Variants in PHKB observed in about 807,000 individuals in gnomAD.
PHKB encodes the protein phosphorylase b kinase regulatory subunit beta.
PHKB carries 122 observed loss-of-function variants against 152.1 expected under a neutral mutation model. That is an observed-to-expected ratio of 0.80 (90% CI 0.69 to 0.93). The LOEUF (loss-of-function observed/expected upper bound fraction) is 0.93. Among genes scored for constraint, PHKB ranks in the 40% least tolerant of loss-of-function variants. The pLI is 0.00. For missense variants in PHKB, 1,304 were observed against 1,328.4 expected, an observed-to-expected ratio of 0.98 and a Z score of 0.29; for synonymous variants, 436 against 464.9, an observed-to-expected ratio of 0.94 and a Z score of 0.80.
At chr16:47,686,800 C>T (rs1421668806) in intron 26 of PHKB, among the ~76,000 whole-genome samples, 1 of 152,094 alleles carries the variant, frequency 6.6e-6, no homozygotes, top group Admixed American at 6.6e-5. Flanking sequence ...TTAACTTTTA[C>T]CTGTGAGTAT....
At chr16:47,672,068 T>C (rs1973647971) in intron 26 of PHKB, among the ~76,000 whole-genome samples, 3 of 152,148 alleles carry the variant, frequency 2.0e-5, no homozygotes, top group African/African-American at 7.2e-5. Context: ...CTTTCTAAGT[T>C]ACATTTTTCA....
intron 13 of PHKB, among the ~76,000 whole-genome samples, chr16:47,599,301 A>G (rs1305870592): frequency 2.0e-5 from 3 of 152,214 alleles, no homozygotes; most frequent in Non-Finnish European, 4.4e-5. Flanking sequence ...GATCTGGGAT[A>G]TGAAATTAAA....
At chr16:47,614,100 A>C (rs1274604660) in intron 14 of PHKB, among the ~76,000 whole-genome samples, 3 of 152,240 alleles carry the variant, frequency 2.0e-5, no homozygotes, top group African/African-American at 7.2e-5. Context: ...AGCAGCTTCC[A>C]GGCTTCTGGG....
chr16:47,677,158 T>C (rs1239526095), intron 26 of PHKB, among the ~76,000 whole-genome samples: 1 of 152,204 alleles, frequency 6.6e-6, no homozygotes. Flanking sequence ...TCTGAGGTCT[T>C]TGCTTTTGAC....
At chr16:47,464,088 TTTC>T in intron 1 of PHKB, 3 of 884,608 alleles carry the variant, frequency 3.4e-6, no homozygotes, top group East Asian at 2.4e-5. Flanking sequence ...TATGTCTTTA[TTTC>T]TTCTTTGGTG....
At chr16:47,614,479 C>T (rs904482775) in intron 14 of PHKB, among the ~76,000 whole-genome samples, 1 of 152,114 alleles carries the variant, frequency 6.6e-6, no homozygotes, top group Non-Finnish European at 1.5e-5. Context: ...CTTAGAATTC[C>T]ACTTTAATTA....
intron 10 of PHKB, among the ~76,000 whole-genome samples, chr16:47,593,227 AGGAG>A (rs1218167949): frequency 1.9e-4 from 20 of 104,140 alleles, no homozygotes; most frequent in East Asian, 1.6e-3. Flanking sequence ...GAAAGAGGGA[AGGAG>A]GGAGGGAGGG....
intron 27 of PHKB, 59 bp from the exon 28 acceptor site, chr16:47,693,319 C>G (rs1974094223): frequency 6.3e-7 from 1 of 1,590,194 alleles, no homozygotes; most frequent in Admixed American, 1.7e-5. Context: ...ATTGAAAGCC[C>G]TGCTGTCTAC....
chr16:47,566,905 AT>A, intron 7 of PHKB: 1 of 635,534 alleles, frequency 1.6e-6, no homozygotes, highest in East Asian at 3.1e-5. Context: ...AAGGTCAATA[AT>A]GGGTCACACT....
At position 47,653,398 on chromosome 16, in the gene PHKB, G is replaced by A. The variant is rs577244742; in HGVS notation, c.1971+2477G>A. Among the ~76,000 whole-genome samples the A allele has an allele frequency of 8.5e-5, 13 of 152,286 alleles. No individual in the cohort carries two copies. The South Asian group carries it at 2.3e-3, about 27-fold the overall frequency. Reference sequence around the variant, plus strand: ...GGAAGCAGATAGTAACTCCCTAAGTGTTTAGGGAATGGAAAGGAACTTTTG... The same window carrying A: ...GGAAGCAGATAGTAACTCCCTAAGTATTTAGGGAATGGAAAGGAACTTTTG... On this transcript the variant is annotated intron_variant, in intron 20 of 30. Transcript: ENST00000323584.
intron 14 of PHKB, among the ~76,000 whole-genome samples, chr16:47,615,753 A>G (rs1972503346): frequency 6.6e-6 from 1 of 152,184 alleles, no homozygotes; most frequent in Non-Finnish European, 1.5e-5. Context: ...TCCTACTTCC[A>G]ATTTTTATAG....
At chr16:47,640,948 T>C (rs1482475936) in intron 14 of PHKB, 87 bp from the exon 15 acceptor site, 4 of 1,216,592 alleles carry the variant, frequency 3.3e-6, no homozygotes, top group South Asian at 1.2e-5. Flanking sequence ...TGCTTAGAGA[T>C]GGTTAATATT....
chr16:47,526,278 G>A lies in PHKB; in HGVS notation c.594+10677G>A, dbSNP rs539666104. ...GCAAAAATTATCTGGGCATGGTGGC[G>A]GGCACCTGTAATCCCAGCTGCTCGC... On this transcript the variant is annotated intron_variant, in intron 6 of 30. Coordinates refer to ENST00000323584, the MANE Select transcript of PHKB (RefSeq NM_000293.3). Among the ~76,000 whole-genome samples the A allele has an allele frequency of 1.8e-4, 27 of 152,070 alleles. 1 individual carries two copies. The highest frequency in any genetic ancestry group is 4.2e-4 in the South Asian group (2 of 4,800).
intron 6 of PHKB, among the ~76,000 whole-genome samples, chr16:47,523,578 C>T (rs1970719096): frequency 6.6e-6 from 1 of 152,176 alleles, no homozygotes; most frequent in African/African-American, 2.4e-5. Context: ...TCCAGTTCAG[C>T]CAGAGGTGTG....
chr16:47,464,274 T>G, intron 1 of PHKB: 1 of 466,392 alleles, frequency 2.1e-6, no homozygotes, highest in Admixed American at 3.6e-5. Context: ...CATTGTCAAA[T>G]GTGCACATAG....
chr16:47,664,743 G>A (rs1019112353), intron 24 of PHKB, 142 bp from the exon 25 acceptor site: 1 of 692,272 alleles, frequency 1.4e-6, no homozygotes, highest in African/African-American at 1.8e-5. Flanking sequence ...ATCTGTTCTT[G>A]CTTTATGTAT....
chr16:47,492,574 G>A (rs746560025), intron 1 of PHKB, among the ~76,000 whole-genome samples: 2 of 152,208 alleles, frequency 1.3e-5, no homozygotes, highest in South Asian at 4.1e-4. Context: ...ATGGATGCAT[G>A]GCAGGGAGAG....
chr16:47,608,023 TGGG>T (rs1972358743), intron 13 of PHKB, among the ~76,000 whole-genome samples: 1 of 152,020 alleles, frequency 6.6e-6, no homozygotes, highest in Non-Finnish European at 1.5e-5. Flanking sequence ...TATTTTTTAA[TGGG>T]TTTTTTTTTT....
chr16:47,692,138 C>T (rs1404801105), intron 27 of PHKB, among the ~76,000 whole-genome samples: 2 of 152,146 alleles, frequency 1.3e-5, no homozygotes, highest in African/African-American at 4.8e-5. Context: ...AATAGATGCC[C>T]CTCTTACCTA....
Sources: allele counts gnomAD v4.1 joint callset (sites outside exome capture counted in the v4.1 genomes callset), GRCh38; gene constraint gnomAD v4.1.1; transcripts MANE v1.5; gene names NCBI Gene and HGNC (gene_info 2026-07-23, HGNC 2026-07-21).